Variants in IFRD1 observed in about 807,000 individuals in gnomAD.
The protein encoded by IFRD1 is interferon-related developmental regulator 1.
In IFRD1, 35 loss-of-function variants were observed where a neutral mutation model predicts 52.9. That is an observed-to-expected ratio of 0.66 (90% CI 0.51 to 0.88). IFRD1 has a LOEUF of 0.88. Ranked by LOEUF, IFRD1 falls within the 40% of genes least tolerant of loss-of-function variation. The pLI, the probability that IFRD1 is intolerant of heterozygous loss-of-function variation, is 0.00. For synonymous variants in IFRD1, 184 were observed against 188.4 expected (o/e 0.98, Z 0.19); for missense variants, 517 against 550.8 (o/e 0.94, Z 0.61).
intron 1 of IFRD1, among the ~76,000 whole-genome samples, chr7:112,438,933 C>G (rs778699904): frequency 6.6e-6 from 1 of 152,060 alleles, no homozygotes; most frequent in Non-Finnish European, 1.5e-5. Flanking sequence ...GGATTCCTCC[C>G]GTTGAAAGAT....
At chr7:112,444,192 T>C (rs1057257793) in intron 1 of IFRD1, among the ~76,000 whole-genome samples, 1 of 152,224 alleles carries the variant, frequency 6.6e-6, no homozygotes, top group Non-Finnish European at 1.5e-5. Context: ...TTATTATTGA[T>C]AATACTGCAG....
At position 112,475,597 on chromosome 7, in the gene IFRD1, T is replaced by G. The variant is rs557088259; in HGVS notation, c.*78T>G. ...ATGTATTTAAACTCTAGACACAGTT[T>G]TTATCCTGGATTAACTTAGATAACT... On this transcript the variant is annotated 3_prime_UTR_variant, in exon 12 of 12. Transcript: ENST00000403825. The G allele has an allele frequency of 1.2e-6, 1 of 865,458 alleles. No individual in the cohort carries two copies. Among genetic ancestry groups the G allele is most frequent in the South Asian group, 1.5e-5 (1 of 68,390 alleles). 53.6% of individuals were successfully genotyped at this position (865,458 alleles called of 1,614,324 possible).
intron 8 of IFRD1, among the ~76,000 whole-genome samples, chr7:112,463,345 A>G (rs1795492822): frequency 6.6e-6 from 1 of 152,196 alleles, no homozygotes; most frequent in Non-Finnish European, 1.5e-5. Context: ...GCATTTAAAG[A>G]AGTTATTTAA....
chr7:112,473,244 A>G lies in IFRD1; in HGVS notation c.1266+383A>G, dbSNP rs565207208. Among the ~76,000 whole-genome samples, 85 of 152,276 alleles carry G rather than the reference A, an allele frequency of 5.6e-4. 2 individuals carry two copies. The South Asian group carries it at 0.017, about 30-fold the overall frequency. ...ATATTTTACGTATAATTCTATCTTA[A>G]TATAGGAACGGTGTTCATTATTTGT... On this transcript the variant is annotated intron_variant, in intron 11 of 11. Transcript: ENST00000403825.
chr7:112,459,344 G>A (rs1306691752), intron 5 of IFRD1, among the ~76,000 whole-genome samples: 1 of 152,178 alleles, frequency 6.6e-6, no homozygotes, highest in Non-Finnish European at 1.5e-5. Context: ...ATTGTTGGAT[G>A]TTTACCTCTT....
intron 1 of IFRD1, among the ~76,000 whole-genome samples, chr7:112,443,326 C>A (rs985566689): frequency 7.2e-5 from 11 of 152,188 alleles, no homozygotes; most frequent in Middle Eastern, 3.2e-3. Context: ...GTGGTTCATG[C>A]CTGTAATCCC....
At chr7:112,460,534 G>T (rs923268493) in intron 5 of IFRD1, among the ~76,000 whole-genome samples, 15 of 152,006 alleles carry the variant, frequency 9.9e-5, no homozygotes, top group African/African-American at 3.1e-4. Context: ...GTGAGCCACC[G>T]CACCCAGCCA....
intron 1 of IFRD1, among the ~76,000 whole-genome samples, chr7:112,431,610 A>G (rs1794549413): frequency 6.6e-6 from 1 of 152,200 alleles, no homozygotes; most frequent in East Asian, 1.9e-4. Flanking sequence ...GGAGGGAAAC[A>G]TCCAGGGCAG....
At chr7:112,449,005 G>T (rs6963343), upstream of IFRD1, among the ~76,000 whole-genome samples, 29,253 of 152,202 alleles carry the variant, frequency 0.19, 3,242 homozygotes, top group South Asian at 0.33. Flanking sequence ...GCTGGAAAGG[G>T]AGTCAGGGCC....
intron 1 of IFRD1, among the ~76,000 whole-genome samples, chr7:112,424,444 C>T (rs901998714): frequency 1.1e-4 from 17 of 150,404 alleles, no homozygotes; most frequent in Admixed American, 3.3e-4. Flanking sequence ...GACAGAGTTT[C>T]GCTCTTGTTG....
At chr7:112,425,775 C>T (rs1225964127) in intron 1 of IFRD1, among the ~76,000 whole-genome samples, 1 of 152,140 alleles carries the variant, frequency 6.6e-6, no homozygotes. Context: ...CTGACTAATA[C>T]ACTGGGGCAC....
upstream of IFRD1, among the ~76,000 whole-genome samples, chr7:112,446,013 A>G (rs1048157251): frequency 6.6e-6 from 1 of 152,144 alleles, no homozygotes; most frequent in East Asian, 1.9e-4. Flanking sequence ...GGGGCCCAGG[A>G]TTAGTGACCG....
chr7:112,455,072 C>T (rs1795255743), intron 1 of IFRD1, among the ~76,000 whole-genome samples: 1 of 151,180 alleles, frequency 6.6e-6, no homozygotes, highest in Non-Finnish European at 1.5e-5. Context: ...CCATGTTGGC[C>T]AGGCAGGTCT....
intron 1 of IFRD1, among the ~76,000 whole-genome samples, chr7:112,455,273 G>C (rs922969434): frequency 6.6e-6 from 1 of 152,068 alleles, no homozygotes; most frequent in African/African-American, 2.4e-5. Context: ...CACGAGGTCA[G>C]GAGTTCGAGA....
intron 5 of IFRD1, among the ~76,000 whole-genome samples, chr7:112,459,400 G>A (rs896885831): frequency 6.6e-6 from 1 of 151,956 alleles, no homozygotes; most frequent in African/African-American, 2.4e-5. Context: ...TTTATTTTTT[G>A]TTTTTGGTGC....
intron 1 of IFRD1, among the ~76,000 whole-genome samples, chr7:112,443,875 A>AC (rs905585882): frequency 7.3e-5 from 11 of 151,450 alleles, no homozygotes; most frequent in African/African-American, 2.7e-4. Flanking sequence ...AAAAAAAAAA[A>AC]AACCCAAAAA....
rs778656390 is a variant in IFRD1, at chr7:112,472,851, G to A, written c.1256G>A (p.Arg419His). ...ACGCTTAAAACGATGAAGATTTCTC[G>A]TTTCGAAAGGGTAGGTTTTGTTTTT... is the stretch of plus-strand genomic sequence containing the variant. Reference protein sequence around the residue: ...AATLKTMKISRFERHLYNSAA... With the variant: ...AATLKTMKISHFERHLYNSAA... Residue 419 changes from arginine (R) to histidine (H), a missense_variant, in exon 11 of 12, where the codon CGT becomes CAT. Physicochemically the swap from Arg to His is conservative, Grantham distance 29 (BLOSUM62 0). Transcript: ENST00000403825. The A allele has an allele frequency of 1.3e-4, 216 of 1,610,454 alleles. No individual in the cohort carries two copies. The highest frequency in any genetic ancestry group is 1.6e-4 in the Non-Finnish European group (191 of 1,176,832).
intron 1 of IFRD1, among the ~76,000 whole-genome samples, chr7:112,434,608 T>C (rs1794627763): frequency 6.6e-6 from 1 of 152,254 alleles, no homozygotes; most frequent in South Asian, 2.1e-4. Context: ...AATTACATCA[T>C]TGTAAAATTT....
intron 8 of IFRD1, 102 bp from the exon 9 acceptor site, chr7:112,467,879 C>A: frequency 9.2e-7 from 1 of 1,082,048 alleles, no homozygotes. Flanking sequence ...TTGCCTTATG[C>A]AACTGGATAT....
Sources: allele counts gnomAD v4.1 joint callset (sites outside exome capture counted in the v4.1 genomes callset), GRCh38; gene constraint gnomAD v4.1.1; transcripts MANE v1.5; gene names NCBI Gene and HGNC (gene_info 2026-07-23, HGNC 2026-07-21).